The following ENO4 variants were observed in gnomAD, a reference collection of about 807,000 sequenced individuals.
ENO4 encodes 2-phospho-D-glycerate hydro-lyase.
A neutral mutation model predicts 63.2 loss-of-function variants in ENO4; 53 were observed. The ratio of observed to expected loss-of-function variants is 0.84; its 90% CI spans 0.67 to 1.05. ENO4 has a LOEUF of 1.05. Among genes scored for constraint, ENO4 ranks in the 50% least tolerant of loss-of-function variants. The pLI is 0.00. For synonymous variants in ENO4, 266 were observed against 283.8 expected, an observed-to-expected ratio of 0.94 and a Z score of 0.63; for missense variants, 719 against 772.0, an observed-to-expected ratio of 0.93 and a Z score of 0.81.
rs1847036856 is a variant in ENO4, at chr10:116,882,222, T to A, written c.*553T>A. 6.6e-6 allele frequency: 1 copy of A among 151,932 alleles called. No individual in the cohort carries two copies. The highest frequency in any genetic ancestry group is 6.6e-5 in the Admixed American group (1 of 15,266). The allele number at this position is 151,932 out of a possible 1,614,324, so 9.4% of individuals were successfully genotyped here. A position where few individuals can be genotyped will look rare whatever the true frequency, so the allele number is the denominator to read the frequency against. ...TTCCTTTTTTCCTAATTCCCTCTCC[T>A]TTTTAAATTTTAGTTTTTCTTGTAT... On this transcript the variant is annotated 3_prime_UTR_variant, in exon 14 of 14. Transcript: ENST00000341276.
intron 1 of ENO4, among the ~76,000 whole-genome samples, chr10:116,855,207 T>G (rs1846228131): frequency 1.3e-5 from 2 of 151,890 alleles, no homozygotes; most frequent in South Asian, 4.2e-4. Flanking sequence ...GCAGGAGAAC[T>G]GCTTGAACCT....
Position 116,862,872 on chromosome 10 carries a change from G to A in ENO4, c.990+20G>A. On this transcript the variant is annotated intron_variant, in intron 7 of 13. Coordinates refer to ENST00000341276, the MANE Select transcript of ENO4 (RefSeq NM_001242699.2). ...GAAATGGTATGTAAAGAGATTCTAT[G>A]TTATCTAGTTACTGACACTTAGACA... 2 of 1,483,952 alleles carry A rather than the reference G, an allele frequency of 1.3e-6. No homozygotes were observed. The highest frequency in any genetic ancestry group is 1.8e-6 in the Non-Finnish European group (2 of 1,087,076). The allele number at this position is 1,483,952 out of a possible 1,614,324, so 91.9% of individuals were successfully genotyped here.
chr10:116,878,889 G>T (rs1194748481), intron 11 of ENO4, among the ~76,000 whole-genome samples: 1 of 151,770 alleles, frequency 6.6e-6, no homozygotes, highest in Non-Finnish European at 1.5e-5. Flanking sequence ...GACTACAGGT[G>T]CCTACCACCA....
chr10:116,892,902 A>G (rs1404247486), intron 10 of ENO4, among the ~76,000 whole-genome samples: 1 of 152,206 alleles, frequency 6.6e-6, no homozygotes. Flanking sequence ...TAAGAAAACT[A>G]CAATGTACCG....
At chr10:116,871,854 C>A (rs1451852488) in intron 9 of ENO4, among the ~76,000 whole-genome samples, 1 of 152,188 alleles carries the variant, frequency 6.6e-6, no homozygotes, top group African/African-American at 2.4e-5. Context: ...GGGGACCACC[C>A]ACCTGAAGAG....
rs1485642861 is a variant in ENO4, at chr10:116,879,941, C to T, written c.1678C>T (p.Arg560Cys). 4.5e-6 allele frequency: 7 copies of T among 1,550,780 alleles called. No individual in the cohort carries two copies. The highest frequency in any genetic ancestry group is 1.7e-4 in the Middle Eastern group (1 of 5,994). Residue 560 changes from arginine to cysteine, a missense_variant, in exon 13 of 14, where the codon CGC (arginine) becomes TGC (cysteine). By Grantham distance (180) the Arg-to-Cys change is radical. Coordinates refer to ENST00000341276, the MANE Select transcript of ENO4 (RefSeq NM_001242699.2). ...SRGERVTKYNRLLTIEEELVQ... is the reference protein window; with the variant it reads ...SRGERVTKYNCLLTIEEELVQ... ...TGGTGAACGAGTGACTAAATACAAC[C>T]GCCTTCTCACTATAGAGGAAGAACT...
At chr10:116,873,812 T>G in intron 9 of ENO4, 1 of 950,426 alleles carries the variant, frequency 1.1e-6, no homozygotes, top group Non-Finnish European at 1.3e-6. Flanking sequence ...TCTGTAATTC[T>G]TGGTGTTTTG....
chr10:116,894,261 A>G (rs1371203494), intron 10 of ENO4, among the ~76,000 whole-genome samples: 3 of 152,206 alleles, frequency 2.0e-5, no homozygotes, highest in Admixed American at 2.0e-4. Context: ...ACAGACATAG[A>G]AATTAAATGC....
chr10:116,858,374 A>G (rs536703809), intron 3 of ENO4, among the ~76,000 whole-genome samples: 1 of 152,340 alleles, frequency 6.6e-6, no homozygotes, highest in East Asian at 1.9e-4. Flanking sequence ...AATTTCTCTC[A>G]TACTTTAAAG....
intron 10 of ENO4, among the ~76,000 whole-genome samples, chr10:116,890,139 A>G (rs1167908086): frequency 7.0e-6 from 1 of 143,214 alleles, no homozygotes; most frequent in African/African-American, 2.7e-5. Context: ...TTCAATGGGA[A>G]TTGTAATATA....
chr10:116,861,095 G>T lies in ENO4; in HGVS notation c.841G>T (p.Val281Leu). 1 of 1,549,276 alleles carries T rather than the reference G, an allele frequency of 6.5e-7. No homozygotes were observed. The highest frequency in any genetic ancestry group is 8.7e-7 in the Non-Finnish European group (1 of 1,146,370). The change falls in exon 6 of 14, where the codon GTA becomes TTA. Residue 281 changes from valine (V) to leucine (L), a missense_variant. Val to Leu is a conservative substitution (Grantham distance 32, BLOSUM62 1). Transcript: ENST00000341276. ...AACGCTATCTATGCCTTTGCTGATG[G>T]TATCGCTGGTCAGCTGTGGGAAGTC... ...PTTLSMPLLM[V>L]SLVSCGKSSS...
chr10:116,909,058 T>C (rs1331977031), intron 10 of ENO4, among the ~76,000 whole-genome samples: 5 of 152,320 alleles, frequency 3.3e-5, no homozygotes, highest in Admixed American at 3.3e-4. Context: ...ATCATAAAAT[T>C]TGAGAATCAG....
rs1308441051 is a variant in ENO4 at position 116,849,697 on chromosome 10, T to A, written c.131T>A (p.Phe44Tyr). 1.9e-6 allele frequency: 3 copies of A among 1,543,742 alleles called. No homozygotes were observed. In the East Asian group the frequency reaches 7.4e-5, roughly 38 times the overall value. ...CTGGAAGAGCTGCTCAACTCCACCTTCTACCTCCAGCCTGCCGACGTCTAC... is the reference window on the plus strand; with the variant it reads ...CTGGAAGAGCTGCTCAACTCCACCTACTACCTCCAGCCTGCCGACGTCTAC... The part of the protein sequence containing the change: ...RRLEELLNST[F>Y]YLQPADVYGH... The change falls in exon 1 of 14, where the codon TTC (phenylalanine) becomes TAC (tyrosine). Residue 44 changes from phenylalanine (F) to tyrosine (Y), a missense_variant. This residue lies in a region of ENO4 where 544 missense variants were observed against 583.6 expected (regional missense o/e 0.93). Transcript: ENST00000341276.
rs537577165 is a variant in ENO4, at chr10:116,879,974, A to G, written c.1711A>G (p.Asn571Asp). 1.5e-5 allele frequency: 23 copies of G among 1,548,318 alleles called. No individual in the cohort carries two copies. In the East Asian group the frequency reaches 5.6e-4, roughly 38 times the overall value. The change falls in exon 13 of 14, where the codon AAT becomes GAT. Residue 571 changes from asparagine to aspartate, a missense_variant. Around this residue, in one of 3 missense-constraint regions of ENO4, gnomAD observed 168 missense variants for 163.3 expected, o/e 1.03. Transcript: ENST00000341276. The part of the protein sequence containing the change: ...LLTIEEELVQ[N>D]GTLGFKEEHT... ...CACTATAGAGGAAGAACTTGTCCAG[A>G]ATGGAACACTGGGTATGCGCTGCTT...
chr10:116,879,799 T>A lies in ENO4; in HGVS notation c.1606-70T>A, dbSNP rs1035869554. Reference sequence around the variant, plus strand: ...CACACTGTGACAGTTTCCTTTGTCTTTAAAGAATTGTTTGTCGTTTAGCAA... The same window carrying A: ...CACACTGTGACAGTTTCCTTTGTCTATAAAGAATTGTTTGTCGTTTAGCAA... On this transcript the variant is annotated intron_variant, in intron 12 of 13. Transcript: ENST00000341276. 10 of 1,203,084 alleles carry A rather than the reference T, an allele frequency of 8.3e-6. 1 individual carries two copies. The Admixed American group carries it at 1.8e-4, about 22-fold the overall frequency. The allele number at this position is 1,203,084 out of a possible 1,614,324, so 74.5% of individuals were successfully genotyped here.
intron 10 of ENO4, chr10:116,901,677 T>C: frequency 2.2e-6 from 3 of 1,366,450 alleles, no homozygotes; most frequent in Non-Finnish European, 2.8e-6. Flanking sequence ...AATCAAAATC[T>C]CTCTAAAGGA....
rs1247437354 is a variant in ENO4, at chr10:116,855,527, T to C, written c.166-96T>C. ...TGGTAGAAACTAGAGTCAATGTGAA[T>C]GACCTTTTGAAGATAAAGTAGATAT... On this transcript the variant is annotated intron_variant, in intron 1 of 13. Transcript: ENST00000341276. The C allele has an allele frequency of 3.5e-6, 5 of 1,444,148 alleles. No individual in the cohort carries two copies. In the Admixed American group the frequency reaches 9.9e-5, roughly 29 times the overall value. The allele number at this position is 1,444,148 out of a possible 1,614,324, so 89.5% of individuals were successfully genotyped here. A position where few individuals can be genotyped will look rare whatever the true frequency, so the allele number is the denominator to read the frequency against.
intron 3 of ENO4, among the ~76,000 whole-genome samples, chr10:116,857,912 G>C (rs1564845058): frequency 1.3e-5 from 2 of 152,230 alleles, no homozygotes; most frequent in East Asian, 3.9e-4. Context: ...GCTGGGATTA[G>C]AGGCATGAGC....
At chr10:116,861,641 G>C (rs1846417664) in intron 6 of ENO4, among the ~76,000 whole-genome samples, 1 of 152,138 alleles carries the variant, frequency 6.6e-6, no homozygotes, top group Non-Finnish European at 1.5e-5. Context: ...TCAAGTTGCA[G>C]GTTCACCACT....
Sources: gnomAD v4.1 joint callset for allele counts (sites outside exome capture counted in the v4.1 genomes callset) on GRCh38, gnomAD v4.1.1 for gene constraint, gnomAD v4.1.1 regional missense constraint, MANE v1.5 for transcripts, NCBI Gene and HGNC (gene_info 2026-07-23, HGNC 2026-07-21) for gene names.